The following AGBL1 variants were observed in gnomAD, a reference collection of about 807,000 sequenced individuals.
AGBL1 encodes cytosolic carboxypeptidase 4.
AGBL1 carries 130 observed loss-of-function variants against 118.9 expected under a neutral mutation model. The observed-to-expected ratio is 1.09, with a 90% CI of 0.95 to 1.26. The LOEUF (loss-of-function observed/expected upper bound fraction) is 1.26. AGBL1 is among the 50% of genes most tolerant of loss of function. AGBL1 has a pLI of 0.00. For missense variants in AGBL1, 1,584 were observed against 1,298.1 expected (o/e 1.22, Z -3.38); for synonymous variants, 555 against 478.9 (o/e 1.16, Z -2.08).
At chr15:86,134,011 A>C (rs2141617934) in intron 1 of AGBL1, among the ~76,000 whole-genome samples, 1 of 152,318 alleles carries the variant, frequency 6.6e-6, no homozygotes, top group Non-Finnish European at 1.5e-5. Flanking sequence ...TAGTCTTCTA[A>C]AACACTTCTT....
chr15:86,298,246 A>AATATATATATATATATATATATATATAT (rs59968237), intron 17 of AGBL1, among the ~76,000 whole-genome samples: 10 of 69,796 alleles, frequency 1.4e-4, no homozygotes, highest in Non-Finnish European at 2.2e-4. Context: ...GTCTGTGTAT[A>AATATATATATATATATATATATATATAT]ATATATATAT....
At chr15:86,961,184 T>C (rs1253818538) in intron 23 of AGBL1, among the ~76,000 whole-genome samples, 1 of 152,060 alleles carries the variant, frequency 6.6e-6, no homozygotes, top group Non-Finnish European at 1.5e-5. Flanking sequence ...GTATGTGTTA[T>C]CAAATCATCA....
At chr15:86,388,192 T>TTCG (rs1428197847) in intron 17 of AGBL1, among the ~76,000 whole-genome samples, 1 of 152,180 alleles carries the variant, frequency 6.6e-6, no homozygotes, top group Admixed American at 6.5e-5. Context: ...CAGCTCACAC[T>TTCG]TCGTTGTTCT....
intron 6 of AGBL1, among the ~76,000 whole-genome samples, chr15:86,227,241 A>G (rs999950255): frequency 1.3e-5 from 2 of 152,260 alleles, no homozygotes; most frequent in African/African-American, 4.8e-5. Flanking sequence ...TGTCCTCCAC[A>G]TATAAAACGG....
intron 22 of AGBL1, among the ~76,000 whole-genome samples, chr15:86,858,264 A>C: frequency 6.6e-6 from 1 of 152,228 alleles, no homozygotes; most frequent in East Asian, 1.9e-4. Context: ...TAGAGTGAAG[A>C]AAAGTATTGG....
intron 17 of AGBL1, among the ~76,000 whole-genome samples, chr15:86,313,848 C>T (rs990995353): frequency 2.0e-5 from 3 of 152,178 alleles, no homozygotes; most frequent in Non-Finnish European, 4.4e-5. Context: ...TAGTTCAGAG[C>T]TGGTCAGAAG....
At chr15:86,779,915 C>A (rs1258211928) in intron 22 of AGBL1, among the ~76,000 whole-genome samples, 1 of 103,526 alleles carries the variant, frequency 9.7e-6, no homozygotes, top group Non-Finnish European at 2.2e-5. Context: ...GTTGGACACC[C>A]CCCCAACACA....
At chr15:86,822,286 A>G (rs993784683) in intron 22 of AGBL1, among the ~76,000 whole-genome samples, 2 of 152,124 alleles carry the variant, frequency 1.3e-5, no homozygotes, top group Admixed American at 6.6e-5. Flanking sequence ...ACATACCTCT[A>G]TTATCCCCTG....
intron 18 of AGBL1, among the ~76,000 whole-genome samples, chr15:86,479,984 G>A (rs1465357428): frequency 2.0e-5 from 3 of 150,868 alleles, no homozygotes; most frequent in South Asian, 4.2e-4. Context: ...CTATCGCAAG[G>A]ACAAAAAAAC....
intron 17 of AGBL1, among the ~76,000 whole-genome samples, chr15:86,389,840 A>C (rs2081250781): frequency 6.6e-6 from 1 of 152,184 alleles, no homozygotes; most frequent in African/African-American, 2.4e-5. Context: ...ATCCAAATGA[A>C]GGTCAGATGG....
chr15:86,230,441 T>A (rs2078437641), intron 6 of AGBL1, among the ~76,000 whole-genome samples: 1 of 152,198 alleles, frequency 6.6e-6, no homozygotes, highest in Non-Finnish European at 1.5e-5. Flanking sequence ...AATCCTTTGA[T>A]CTCATGACCA....
At position 86,518,097 on chromosome 15, in the gene AGBL1, C is replaced by T. The variant is rs1005973013; in HGVS notation, c.2556-4713C>T. 1.4e-4 allele frequency among the ~76,000 whole-genome samples: 22 copies of T among 152,216 alleles called. No individual in the cohort carries two copies. The South Asian group carries it at 4.4e-3, about 30-fold the overall frequency. On this transcript the variant is annotated intron_variant, in intron 18 of 22. Coordinates refer to ENST00000614907, the MANE Select transcript of AGBL1 (RefSeq NM_001386094.1). ...TTCATTCAGTCTGATGGGCTCTATC[C>T]CTCTGTTTTTCAGTCATGGACGGAT...
rs16976511 is a variant in AGBL1 at position 86,375,996 on chromosome 15, T to C, written c.2375-21370T>C. On this transcript the variant is annotated intron_variant, in intron 17 of 22. Transcript: ENST00000614907. ...CCAAACTGCTATGGACAAGTTGGTG[T>C]GTCTTAAATCAAGTTGGATCTGAGT... is the stretch of plus-strand genomic sequence containing the variant. Among the ~76,000 whole-genome samples the C allele has an allele frequency of 7.6e-3, 1,155 of 152,310 alleles. 18 individuals are homozygous for C. The highest frequency in any genetic ancestry group is 0.026 in the African/African-American group (1,101 of 41,556).
intron 22 of AGBL1, among the ~76,000 whole-genome samples, chr15:86,859,715 C>T (rs1323446474): frequency 1.3e-5 from 2 of 152,114 alleles, no homozygotes; most frequent in African/African-American, 4.8e-5. Context: ...GGAGAGAGTA[C>T]ATAAGAAGTG....
chr15:86,696,239 CTG>C (rs1457818688), intron 22 of AGBL1, among the ~76,000 whole-genome samples: 1 of 151,690 alleles, frequency 6.6e-6, no homozygotes, highest in Non-Finnish European at 1.5e-5. Context: ...CTAGTAGTAA[CTG>C]TTTTATAAAT....
At chr15:86,782,400 G>A (rs945193667) in intron 22 of AGBL1, among the ~76,000 whole-genome samples, 2 of 152,178 alleles carry the variant, frequency 1.3e-5, no homozygotes, top group East Asian at 1.9e-4. Flanking sequence ...GACAATTCAG[G>A]TGTAAACTCT....
intron 22 of AGBL1, among the ~76,000 whole-genome samples, chr15:86,814,710 A>C (rs933415638): frequency 6.6e-6 from 1 of 152,186 alleles, no homozygotes; most frequent in Non-Finnish European, 1.5e-5. Flanking sequence ...GCCAACATCC[A>C]GGGAAAGGTC....
intron 19 of AGBL1, among the ~76,000 whole-genome samples, chr15:86,528,353 A>C (rs2083297173): frequency 6.6e-6 from 1 of 152,318 alleles, no homozygotes; most frequent in African/African-American, 2.4e-5. Flanking sequence ...TGACGGACGC[A>C]CCTGGAAAAT....
chr15:86,855,579 G>T (rs1030084711), intron 22 of AGBL1, among the ~76,000 whole-genome samples: 2 of 152,168 alleles, frequency 1.3e-5, no homozygotes, highest in African/African-American at 4.8e-5. Context: ...TAAGAAGCAG[G>T]AACAGACAGC....
Sources: allele counts gnomAD v4.1 joint callset (sites outside exome capture counted in the v4.1 genomes callset), GRCh38; gene constraint gnomAD v4.1.1; transcripts MANE v1.5; gene names NCBI Gene and HGNC (gene_info 2026-07-23, HGNC 2026-07-21).